Variants in SOS1 observed in about 807,000 individuals in gnomAD.
SOS1 encodes the protein son of sevenless homolog 1.
In SOS1, 25 loss-of-function variants were observed where a neutral mutation model predicts 157.6. The observed-to-expected ratio is 0.16, with a 90% confidence interval of 0.12 to 0.22. The LOEUF (loss-of-function observed/expected upper bound fraction) is 0.22, where lower values mean the gene tolerates loss of function less well. SOS1 is among the 10% of genes least tolerant of loss of function. The pLI is 1.00. For synonymous variants in SOS1, 528 were observed against 534.0 expected, an observed-to-expected ratio of 0.99 and a Z score of 0.16; for missense variants, 1,237 against 1,599.1, an observed-to-expected ratio of 0.77 and a Z score of 3.86.
intron 11 of SOS1, 49 bp from the exon 12 acceptor site, chr2:39,014,038 A>G: frequency 7.0e-7 from 1 of 1,436,212 alleles, no homozygotes; most frequent in Non-Finnish European, 9.7e-7. Context: ...ATATCGAGTT[A>G]TACAAATAGA....
intron 8 of SOS1, among the ~76,000 whole-genome samples, chr2:39,032,828 G>C (rs931100874): frequency 6.6e-6 from 1 of 152,082 alleles, no homozygotes; most frequent in Non-Finnish European, 1.5e-5. Flanking sequence ...GGCTGTGGTG[G>C]CACACACCTT....
At chr2:39,085,200 C>T (rs1672330168) in intron 1 of SOS1, among the ~76,000 whole-genome samples, 1 of 151,946 alleles carries the variant, frequency 6.6e-6, no homozygotes, top group Non-Finnish European at 1.5e-5. Context: ...CATACACCAC[C>T]ATGCTCAGCT....
intron 1 of SOS1, among the ~76,000 whole-genome samples, chr2:39,078,790 G>A (rs908564823): frequency 4.6e-5 from 7 of 151,628 alleles, no homozygotes; most frequent in Non-Finnish European, 7.4e-5. Flanking sequence ...GGCCGGGCGC[G>A]GTGATTCATG....
intron 6 of SOS1, among the ~76,000 whole-genome samples, chr2:39,040,871 T>A (rs1558483501): frequency 6.6e-6 from 1 of 152,168 alleles, no homozygotes; most frequent in African/African-American, 2.4e-5. Flanking sequence ...GGAGTGAAAT[T>A]TCTGGATCAT....
At chr2:39,033,883 G>A (rs778027879) in intron 8 of SOS1, among the ~76,000 whole-genome samples, 2 of 151,368 alleles carry the variant, frequency 1.3e-5, no homozygotes, top group Non-Finnish European at 1.5e-5. Context: ...GATTTTATAT[G>A]GCCTTTGAAT....
chr2:38,995,554 A>G (rs527926721), intron 19 of SOS1, among the ~76,000 whole-genome samples, 167 bp from the exon 20 acceptor site: 2 of 152,328 alleles, frequency 1.3e-5, no homozygotes, highest in African/African-American at 4.8e-5. Context: ...TTAACATTCT[A>G]TTTTGCTAAA....
chr2:39,016,100 G>A (rs934600090), intron 10 of SOS1, among the ~76,000 whole-genome samples: 4 of 151,850 alleles, frequency 2.6e-5, no homozygotes, highest in Non-Finnish European at 5.9e-5. Flanking sequence ...AAAATAACAT[G>A]TTTATAATAG....
intron 8 of SOS1, among the ~76,000 whole-genome samples, chr2:39,029,429 T>C: frequency 6.6e-6 from 1 of 152,020 alleles, no homozygotes; most frequent in African/African-American, 2.4e-5. Flanking sequence ...AGTTCAAGAC[T>C]AGCCTGGACA....
At position 38,987,454 on chromosome 2, in the gene SOS1, AC is replaced by A; in HGVS notation, c.3510+18del. Reference sequence around the variant, plus strand: ...CTGTAATGATTCCAATTTCTACACAACAAGATTTCTTACTTTACCTTAGATG... The same window carrying A: ...CTGTAATGATTCCAATTTCTACACAAAAGATTTCTTACTTTACCTTAGATG... On this transcript the variant is annotated intron_variant, in intron 22 of 22. Coordinates refer to ENST00000402219, the MANE Select transcript of SOS1 (RefSeq NM_005633.4). The A allele has an allele frequency of 7.9e-7, 1 of 1,269,394 alleles. No homozygotes were observed. The highest frequency in any genetic ancestry group is 1.1e-6 in the Non-Finnish European group (1 of 871,354). 78.6% of individuals were successfully genotyped at this position (1,269,394 alleles called of 1,614,324 possible). A position where few individuals can be genotyped will look rare whatever the true frequency, so the allele number is the denominator to read the frequency against.
rs142004123 is a variant in SOS1, at chr2:39,012,145, G to T, written c.2371C>A (p.Leu791Ile). The T allele has an allele frequency of 4.5e-4, 723 of 1,611,870 alleles. 1 individual carries two copies. The highest frequency in any genetic ancestry group is 7.0e-4 in the Admixed American group (42 of 59,998). ...PIEIARQLTL[L>I]ESDLYRAVQP... is the part of the protein sequence containing the mutation. ...ACATACCGGTATAGATCTGATTCAAGTAAAGTGAGTTGTCGAGCAATTTCT... is the reference window on the plus strand; with the variant it reads ...ACATACCGGTATAGATCTGATTCAATTAAAGTGAGTTGTCGAGCAATTTCT... The change falls in exon 14 of 23, where the codon CTT becomes ATT. Residue 791 changes from leucine (L) to isoleucine (I), a missense_variant. This residue lies in a region of SOS1 where 105 missense variants were observed against 236.0 expected (regional missense o/e 0.44). Transcript: ENST00000402219.
At chr2:39,039,155 A>C (rs1411851867) in intron 6 of SOS1, among the ~76,000 whole-genome samples, 1 of 152,226 alleles carries the variant, frequency 6.6e-6, no homozygotes, top group Non-Finnish European at 1.5e-5. Flanking sequence ...ACATAATGCT[A>C]CTGCATGCTT....
chr2:39,094,546 T>C (rs1672704088), intron 1 of SOS1, among the ~76,000 whole-genome samples: 1 of 152,080 alleles, frequency 6.6e-6, no homozygotes, highest in Non-Finnish European at 1.5e-5. Flanking sequence ...CTCAGGAGGC[T>C]GAGGCAGAGA....
intron 1 of SOS1, among the ~76,000 whole-genome samples, chr2:39,084,321 T>C (rs139316406): frequency 0.01 from 1,573 of 152,182 alleles, 86 homozygotes; most frequent in Admixed American, 0.088. Context: ...GAAAACTCAT[T>C]AAAAAATGTA....
At chr2:39,001,156 G>C (rs886310776) in intron 17 of SOS1, among the ~76,000 whole-genome samples, 1 of 152,220 alleles carries the variant, frequency 6.6e-6, no homozygotes, top group African/African-American at 2.4e-5. Flanking sequence ...CCTCCTGGCA[G>C]GTTCAAGCAA....
intron 6 of SOS1, among the ~76,000 whole-genome samples, chr2:39,039,063 G>T (rs572630707): frequency 2.0e-5 from 3 of 152,242 alleles, no homozygotes; most frequent in African/African-American, 7.2e-5. Context: ...CCAGCAAAAA[G>T]ATTATGACTC....
intron 6 of SOS1, among the ~76,000 whole-genome samples, chr2:39,038,748 A>AAAAAAAAAAAAAAAAAAAAAAAAAAT (rs1670448330): frequency 6.8e-6 from 1 of 147,638 alleles, no homozygotes; most frequent in African/African-American, 2.5e-5. Flanking sequence ...AAAAAAAAAA[A>AAAAAAAAAAAAAAAAAAAAAAAAAAT]GTCGTTTCTT....
At chr2:39,026,139 G>A (rs991544276) in intron 8 of SOS1, among the ~76,000 whole-genome samples, 19 of 151,908 alleles carry the variant, frequency 1.3e-4, no homozygotes, top group African/African-American at 4.3e-4. Context: ...GGGGGATCAC[G>A]AGGTCAGGAG....
intron 6 of SOS1, among the ~76,000 whole-genome samples, chr2:39,036,427 T>C (rs991757735): frequency 6.6e-6 from 1 of 152,172 alleles, no homozygotes; most frequent in African/African-American, 2.4e-5. Flanking sequence ...CTTGGCTCAC[T>C]ACAACCTCTG....
At chr2:39,020,627 TG>T (rs1669768048) in intron 10 of SOS1, among the ~76,000 whole-genome samples, 1 of 151,716 alleles carries the variant, frequency 6.6e-6, no homozygotes, top group Non-Finnish European at 1.5e-5. Flanking sequence ...AATGGTAACT[TG>T]ATCTGTTACC....
Sources: allele counts gnomAD v4.1 joint callset (sites outside exome capture counted in the v4.1 genomes callset), GRCh38; gene constraint gnomAD v4.1.1; regional missense constraint gnomAD v4.1.1; transcripts MANE v1.5; gene names NCBI Gene and HGNC (gene_info 2026-07-23, HGNC 2026-07-21).